The following BIRC6 variants were observed in gnomAD, a reference collection of about 807,000 sequenced individuals.
BIRC6 encodes the protein baculoviral IAP repeat containing 6.
BIRC6 carries 98 observed loss-of-function variants against 503.3 expected under a neutral mutation model. The ratio of observed to expected loss-of-function variants is 0.19; its 90% confidence interval spans 0.17 to 0.23. BIRC6 has a LOEUF of 0.23. BIRC6 is among the 10% of genes least tolerant of loss of function. The pLI, the probability that BIRC6 is intolerant of heterozygous loss-of-function variation, is 1.00. For synonymous variants in BIRC6, 2,240 were observed against 2,078.7 expected, an observed-to-expected ratio of 1.08 and a Z score of -2.11; for missense variants, 5,360 against 5,806.0, an observed-to-expected ratio of 0.92 and a Z score of 2.50.
At chr2:32,469,198 T>C (rs1269212444) in intron 29 of BIRC6, among the ~76,000 whole-genome samples, 197 bp from the exon 30 acceptor site, 1 of 152,204 alleles carries the variant, frequency 6.6e-6, no homozygotes, top group East Asian at 1.9e-4. Context: ...GAAATGTAAT[T>C]TACTTAAGTG....
intron 65 of BIRC6, among the ~76,000 whole-genome samples, chr2:32,568,355 T>A (rs1169646130): frequency 6.7e-6 from 1 of 150,136 alleles, no homozygotes; most frequent in Non-Finnish European, 1.5e-5. Context: ...TAACTGGACA[T>A]GGTGGCATGT....
intron 66 of BIRC6, among the ~76,000 whole-genome samples, chr2:32,584,691 T>C (rs1357571946): frequency 6.6e-6 from 1 of 152,212 alleles, no homozygotes; most frequent in African/African-American, 2.4e-5. Context: ...TTGGTTCTTT[T>C]TAATTTATTT....
chr2:32,483,959 T>G (rs926513759), intron 39 of BIRC6, among the ~76,000 whole-genome samples: 15 of 152,198 alleles, frequency 9.9e-5, no homozygotes, highest in African/African-American at 3.6e-4. Flanking sequence ...TGTTTTGTTC[T>G]CATTGGGTTT....
In BIRC6 at chr2:32,607,544, C is replaced by A; in HGVS notation, c.14160C>A (p.Gly4720=). Residue 4720 remains glycine (G), a synonymous_variant, in exon 72 of 74, where the codon GGC becomes GGA. Coordinates refer to ENST00000421745, the MANE Select transcript of BIRC6 (RefSeq NM_016252.4). ...AACGGTCTAGAGGCACTCCCAGTGG[C>A]ACACAGAGTTCTCGAGAATATGATG... ...GYERSRGTPS[G]TQSSREYDGN... 6.2e-7 allele frequency: 1 copy of A among 1,613,806 alleles called. No individual in the cohort carries two copies. The highest frequency in any genetic ancestry group is 1.3e-5 in the African/African-American group (1 of 75,040).
rs1319963787 is a variant in BIRC6 at position 32,388,904 on chromosome 2, G to T, written c.800G>T (p.Arg267Leu). The T allele has an allele frequency of 6.2e-7, 1 of 1,606,480 alleles. No individual in the cohort carries two copies. The highest frequency in any genetic ancestry group is 1.3e-5 in the African/African-American group (1 of 74,702). ...DRLSYLLPSA[R>L]PELGVGPGRS... Reference sequence around the variant, plus strand: ...TTGTCTTACCTCTTACCTAGTGCACGTCCAGAACTCGGAGTGGGGCCAGGC... The same window carrying T: ...TTGTCTTACCTCTTACCTAGTGCACTTCCAGAACTCGGAGTGGGGCCAGGC... Residue 267 changes from arginine (R) to leucine (L), a missense_variant, in exon 4 of 74, where the codon CGT becomes CTT. This residue lies in a region of BIRC6 where 134 missense variants were observed against 150.9 expected (regional missense o/e 0.89). Transcript: ENST00000421745.
rs2058279379 is a variant in BIRC6, at chr2:32,549,319, G to T, written c.12982G>T (p.Ala4328Ser). ...EHVTCLLQVL[A>S]SYINPVSSAV... ...TAATTTCAACAATTTTTAGGTTCTT[G>T]CCAGTTACATAAATCCCGTCAGTAG... is the stretch of plus-strand genomic sequence containing the variant. Residue 4328 changes from alanine to serine, a missense_variant, in exon 65 of 74, where the codon GCC becomes TCC. Around this residue, in one of 16 missense-constraint regions of BIRC6, gnomAD observed 477 missense variants for 574.4 expected, o/e 0.83. Transcript: ENST00000421745. 34 of 1,447,572 alleles carry T rather than the reference G, an allele frequency of 2.3e-5. No homozygotes were observed. Among genetic ancestry groups the T allele is most frequent in the Non-Finnish European group, 3.1e-5 (34 of 1,081,974 alleles). The allele number at this position is 1,447,572 out of a possible 1,614,324, so 89.7% of individuals were successfully genotyped here. A position where few individuals can be genotyped will look rare whatever the true frequency, so the allele number is the denominator to read the frequency against.
chr2:32,369,962 A>G (rs1434892402), intron 1 of BIRC6, among the ~76,000 whole-genome samples: 5 of 57,952 alleles, frequency 8.6e-5, no homozygotes, highest in South Asian at 7.5e-4. Flanking sequence ...ATATATATAT[A>G]TATATATATA....
chr2:32,372,074 G>A (rs2036058197), intron 1 of BIRC6, among the ~76,000 whole-genome samples: 1 of 152,124 alleles, frequency 6.6e-6, no homozygotes, highest in Admixed American at 6.5e-5. Context: ...TGAAGTGCTG[G>A]GATTACAGGT....
chr2:32,601,739 A>G (rs2062074009), intron 70 of BIRC6, among the ~76,000 whole-genome samples: 1 of 152,206 alleles, frequency 6.6e-6, no homozygotes, highest in South Asian at 2.1e-4. Flanking sequence ...TTATTACAAG[A>G]GTAGTTACAG....
At position 32,414,925 on chromosome 2, in the gene BIRC6, C is replaced by G. The variant is rs557744351; in HGVS notation, c.1634C>G (p.Thr545Arg). Residue 545 changes from threonine (T) to arginine (R), a missense_variant, in exon 10 of 74, where the codon ACA becomes AGA. This residue lies in a region of BIRC6 where 700 missense variants were observed against 739.3 expected (regional missense o/e 0.95). Coordinates refer to ENST00000421745, the MANE Select transcript of BIRC6 (RefSeq NM_016252.4). ...LEELGANPCL[T>R]NSKSEKTKEK... ...GAACTTGGGGCAAATCCTTGTTTAA[C>G]AAACTCTAAGAGTGAAAAGACAAAG... 2 of 1,613,942 alleles carry G rather than the reference C, an allele frequency of 1.2e-6. No individual in the cohort carries two copies. The highest frequency in any genetic ancestry group is 2.2e-5 in the East Asian group (1 of 44,870).
rs1382927507 is a variant in BIRC6, at chr2:32,443,553, A to T, written c.4301A>T (p.Asp1434Val). Reference sequence around the variant, plus strand: ...CCTGTTCTGTTGAAGGCTTTACTTGATAATATGTCATTTTTACCTGCAGCA... The same window carrying T: ...CCTGTTCTGTTGAAGGCTTTACTTGTTAATATGTCATTTTTACCTGCAGCA... ...FGPVLLKALLDNMSFLPAATT... is the reference protein window; with the variant it reads ...FGPVLLKALLVNMSFLPAATT... Residue 1434 changes from aspartate to valine, a missense_variant, in exon 20 of 74, where the codon GAT becomes GTT. Physicochemically the swap from Asp to Val is radical, Grantham distance 152 (BLOSUM62 -3). Coordinates refer to ENST00000421745, the MANE Select transcript of BIRC6 (RefSeq NM_016252.4). 1 of 1,608,440 alleles carries T rather than the reference A, an allele frequency of 6.2e-7. No homozygotes were observed. Among genetic ancestry groups the T allele is most frequent in the East Asian group, 2.2e-5 (1 of 44,784 alleles).
At chr2:32,405,428 C>T (rs978952065) in intron 8 of BIRC6, among the ~76,000 whole-genome samples, 6 of 152,140 alleles carry the variant, frequency 3.9e-5, no homozygotes, top group East Asian at 1.9e-4. Flanking sequence ...CCCCAGCCGC[C>T]GCAAAATATT....
intron 21 of BIRC6, among the ~76,000 whole-genome samples, chr2:32,448,522 G>A (rs575918586): frequency 1.0e-3 from 155 of 152,286 alleles, no homozygotes; most frequent in African/African-American, 3.4e-3. Flanking sequence ...GTGGCGACGC[G>A]CGCCTGCAAT....
chr2:32,582,298 G>A (rs1304889143), intron 66 of BIRC6, among the ~76,000 whole-genome samples: 1 of 152,068 alleles, frequency 6.6e-6, no homozygotes, highest in African/African-American at 2.4e-5. Flanking sequence ...GATTGCTTGA[G>A]CCCAGGAGTT....
At chr2:32,584,659 ATGGT>A (rs1198878336) in intron 66 of BIRC6, among the ~76,000 whole-genome samples, 2 of 152,216 alleles carry the variant, frequency 1.3e-5, no homozygotes, top group African/African-American at 2.4e-5. Flanking sequence ...TTGAATGAAA[ATGGT>A]TGATTAAACC....
At chr2:32,517,697 C>T (rs921158727) in intron 55 of BIRC6, among the ~76,000 whole-genome samples, 3 of 152,080 alleles carry the variant, frequency 2.0e-5, no homozygotes, top group Admixed American at 2.0e-4. Context: ...CCTCAGCCTC[C>T]CAAGTAGCTG....
rs2063347577 is a variant in BIRC6, at chr2:32,617,970, G to A, written c.*66G>A. Reference sequence around the variant, plus strand: ...GCACAAGCCAAATATGTCAATATTTGTATGTAAGAAACTAATTATGTAATA... The same window carrying A: ...GCACAAGCCAAATATGTCAATATTTATATGTAAGAAACTAATTATGTAATA... On this transcript the variant is annotated 3_prime_UTR_variant, in exon 74 of 74. Coordinates refer to ENST00000421745, the MANE Select transcript of BIRC6 (RefSeq NM_016252.4). The A allele has an allele frequency of 6.9e-7, 1 of 1,457,806 alleles. No homozygotes were observed. Among genetic ancestry groups the A allele is most frequent in the Non-Finnish European group, 9.3e-7 (1 of 1,075,450 alleles). The allele number at this position is 1,457,806 out of a possible 1,614,324, so 90.3% of individuals were successfully genotyped here. A position where few individuals can be genotyped will look rare whatever the true frequency, so the allele number is the denominator to read the frequency against.
At chr2:32,384,002 C>A (rs1232089300) in intron 3 of BIRC6, among the ~76,000 whole-genome samples, 1 of 152,198 alleles carries the variant, frequency 6.6e-6, no homozygotes, top group African/African-American at 2.4e-5. Context: ...ACTAGTAGAA[C>A]TTCTTTGACT....
At position 32,617,976 on chromosome 2, in the gene BIRC6, A is replaced by G; in HGVS notation, c.*72A>G. 7.1e-7 allele frequency: 1 copy of G among 1,414,846 alleles called. No homozygotes were observed. Among genetic ancestry groups the G allele is most frequent in the Non-Finnish European group, 9.6e-7 (1 of 1,042,134 alleles). 87.6% of individuals were successfully genotyped at this position (1,414,846 alleles called of 1,614,324 possible). A position where few individuals can be genotyped will look rare whatever the true frequency, so the allele number is the denominator to read the frequency against. Reference sequence around the variant, plus strand: ...GCCAAATATGTCAATATTTGTATGTAAGAAACTAATTATGTAATAGGTAAT... The same window carrying G: ...GCCAAATATGTCAATATTTGTATGTGAGAAACTAATTATGTAATAGGTAAT... On this transcript the variant is annotated 3_prime_UTR_variant, in exon 74 of 74. Coordinates refer to ENST00000421745, the MANE Select transcript of BIRC6 (RefSeq NM_016252.4).
Sources: gnomAD v4.1 joint callset for allele counts (sites outside exome capture counted in the v4.1 genomes callset) on GRCh38, gnomAD v4.1.1 for gene constraint, gnomAD v4.1.1 regional missense constraint, MANE v1.5 for transcripts, NCBI Gene and HGNC (gene_info 2026-07-23, HGNC 2026-07-21) for gene names.